ZBTB8A: variants seen among roughly 807,000 people sequenced by gnomAD.
ZBTB8A encodes zinc finger and BTB domain-containing protein 8A.
ZBTB8A carries 19 observed loss-of-function variants against 37.8 expected under a neutral mutation model. The ratio of observed to expected loss-of-function variants is 0.50; its 90% CI spans 0.35 to 0.74. The LOEUF is 0.74. Among genes scored for constraint, ZBTB8A ranks in the 30% least tolerant of loss-of-function variants. The probability of loss-of-function intolerance (pLI) is 0.01; values close to 1 mark genes in which losing one functional copy is unlikely to be tolerated. For synonymous variants in ZBTB8A, 181 were observed against 185.2 expected, an observed-to-expected ratio of 0.98 and a Z score of 0.19; for missense variants, 394 against 537.8, an observed-to-expected ratio of 0.73 and a Z score of 2.65.
intron 2 of ZBTB8A, among the ~76,000 whole-genome samples, chr1:32,590,457 C>G (rs1644480120): frequency 6.6e-6 from 1 of 152,144 alleles, no homozygotes; most frequent in South Asian, 2.1e-4. Flanking sequence ...AGGTTTCTAA[C>G]TTCCCAGCTG....
Position 32,540,643 on chromosome 1 carries a change from C to T in ZBTB8A, c.-84+1071C>T, listed in dbSNP as rs544254600. ...TTTAGAAGGGCCAGTCTTAACACAG[C>T]GCTTCCCTGCTCTAAAAACCTTAAC... On this transcript the variant is annotated intron_variant, in intron 1 of 4. Coordinates refer to ENST00000373510, the MANE Select transcript of ZBTB8A (RefSeq NM_001040441.3). 9.3e-4 allele frequency among the ~76,000 whole-genome samples: 142 copies of T among 152,238 alleles called. 3 individuals are homozygous for T. The highest frequency in any genetic ancestry group is 6.8e-3 in the Middle Eastern group (2 of 294).
At position 32,573,965 on chromosome 1, in the gene ZBTB8A, A is replaced by C. The variant is rs563033238; in HGVS notation, c.-1-18966A>C. On this transcript the variant is annotated intron_variant, in intron 2 of 4. Transcript: ENST00000373510. ...GCAGCGCGTGCCTGTAATCCCAGCT[A>C]TTCGGGAGGCTGAGGCAGGAGAATC... Among the ~76,000 whole-genome samples the C allele has an allele frequency of 4.0e-4, 60 of 151,782 alleles. 1 individual carries two copies. Among genetic ancestry groups the C allele is most frequent in the African/African-American group, 1.4e-3 (58 of 41,476 alleles).
rs998904720 is a variant in ZBTB8A, at chr1:32,604,598, C to G, written c.*4179C>G. The stretch of plus-strand genomic sequence containing the variant: ...CTTAAGACTTTTTAAAATTTAGGAA[C>G]AAATGTTTCAATATTATATTTTCAG... On this transcript the variant is annotated 3_prime_UTR_variant, in exon 5 of 5. Coordinates refer to ENST00000373510, the MANE Select transcript of ZBTB8A (RefSeq NM_001040441.3). 6.6e-6 allele frequency: 1 copy of G among 152,060 alleles called. No homozygotes were observed. Among genetic ancestry groups the G allele is most frequent in the Non-Finnish European group, 1.5e-5 (1 of 68,016 alleles). The allele number at this position is 152,060 out of a possible 1,614,324, so 9.4% of individuals were successfully genotyped here.
rs550017121 is a variant in ZBTB8A, at chr1:32,550,080, G to A, written c.-83-3379G>A. On this transcript the variant is annotated intron_variant, in intron 1 of 4. Coordinates refer to ENST00000373510, the MANE Select transcript of ZBTB8A (RefSeq NM_001040441.3). ...GAAGTTAGGAAAGGATGTTGATGCC[G>A]GTCGTGGTGGCTCATGCCTGTAATC... Among the ~76,000 whole-genome samples the A allele has an allele frequency of 3.3e-5, 5 of 152,202 alleles. 1 individual carries two copies. The South Asian group carries it at 8.3e-4, about 25-fold the overall frequency.
intron 2 of ZBTB8A, among the ~76,000 whole-genome samples, chr1:32,576,493 A>G (rs1358468223): frequency 6.6e-6 from 1 of 152,112 alleles, no homozygotes; most frequent in Non-Finnish European, 1.5e-5. Context: ...CAATGGCGCA[A>G]TCTTGGCTCA....
At chr1:32,540,954 C>A (rs773168918) in intron 1 of ZBTB8A, among the ~76,000 whole-genome samples, 4 of 152,200 alleles carry the variant, frequency 2.6e-5, no homozygotes, top group Non-Finnish European at 4.4e-5. Context: ...GGAGGCCACA[C>A]CACTAACCCT....
At chr1:32,582,597 C>T (rs142762543) in intron 2 of ZBTB8A, among the ~76,000 whole-genome samples, 2 of 151,700 alleles carry the variant, frequency 1.3e-5, no homozygotes, top group Admixed American at 6.6e-5. Context: ...GCAGTGAGAT[C>T]GTGCCATTGC....
chr1:32,545,856 T>C (rs1252602219), intron 1 of ZBTB8A, among the ~76,000 whole-genome samples: 1 of 152,234 alleles, frequency 6.6e-6, no homozygotes, highest in Non-Finnish European at 1.5e-5. Flanking sequence ...TTCTCAATAC[T>C]ACCAGGTACA....
Position 32,577,396 on chromosome 1 carries a change from C to T in ZBTB8A, c.-1-15535C>T, listed in dbSNP as rs140569142. On this transcript the variant is annotated intron_variant, in intron 2 of 4. Transcript: ENST00000373510. ...AGCTCCTGAGCTCAGGCAATCCACC[C>T]GCCTCAGCCTTCCAAAGTGCTGGGA... 3.6e-3 allele frequency among the ~76,000 whole-genome samples: 541 copies of T among 151,508 alleles called. 7 individuals are homozygous for T. The East Asian group carries it at 0.044, about 12-fold the overall frequency.
At chr1:32,557,935 C>G (rs1644215420) in intron 2 of ZBTB8A, among the ~76,000 whole-genome samples, 1 of 152,174 alleles carries the variant, frequency 6.6e-6, no homozygotes, top group African/African-American at 2.4e-5. Flanking sequence ...CTTTCCACAT[C>G]ACTTCCTCAT....
At position 32,593,471 on chromosome 1, in the gene ZBTB8A, G is replaced by C. The variant is rs200375463; in HGVS notation, c.540G>C (p.Trp180Cys). The C allele has an allele frequency of 7.3e-4, 1,175 of 1,613,920 alleles. 15 individuals are homozygous for C. In the South Asian group the frequency reaches 0.012, roughly 16 times the overall value. ...CAGGTATAATAAGTGGAAAATCTTG[G>C]AATAAGTATAATTATCATCCAGCCT... Reference protein sequence around the residue: ...QGTGIISGKSWNKYNYHPASQ... With the variant: ...QGTGIISGKSCNKYNYHPASQ... The change falls in exon 3 of 5, where the codon TGG (tryptophan) becomes TGC (cysteine). Residue 180 changes from tryptophan to cysteine, a missense_variant. Physicochemically the swap from Trp to Cys is radical, Grantham distance 215. Around this residue, in one of 4 missense-constraint regions of ZBTB8A, gnomAD observed 171 missense variants for 186.8 expected, o/e 0.92. Transcript: ENST00000373510.
chr1:32,565,396 A>G (rs191266719), intron 2 of ZBTB8A, among the ~76,000 whole-genome samples: 1 of 152,268 alleles, frequency 6.6e-6, no homozygotes, highest in African/African-American at 2.4e-5. Flanking sequence ...ATGCCTGCCC[A>G]TAATCCCTGC....
intron 2 of ZBTB8A, among the ~76,000 whole-genome samples, chr1:32,561,041 T>C (rs754514270): frequency 1.3e-5 from 2 of 152,014 alleles, no homozygotes; most frequent in African/African-American, 2.4e-5. Flanking sequence ...CTAAATCGCC[T>C]CTCTCCTTTG....
At chr1:32,562,566 C>G (rs543816621) in intron 2 of ZBTB8A, among the ~76,000 whole-genome samples, 1 of 142,748 alleles carries the variant, frequency 7.0e-6, no homozygotes, top group African/African-American at 2.6e-5. Flanking sequence ...CCACCGCGTC[C>G]GGCTTTTTTT....
chr1:32,545,453 A>C lies in ZBTB8A; in HGVS notation c.-84+5881A>C, dbSNP rs150453732. On this transcript the variant is annotated intron_variant, in intron 1 of 4. Coordinates refer to ENST00000373510, the MANE Select transcript of ZBTB8A (RefSeq NM_001040441.3). ...ACTTCCTTAGAGCCTCTAAACAGTC[A>C]ATAACCTCATTTTACAAAAAGGAAA... 3.2e-4 allele frequency among the ~76,000 whole-genome samples: 49 copies of C among 152,354 alleles called. 1 individual carries two copies. The highest frequency in any genetic ancestry group is 3.4e-3 in the Middle Eastern group (1 of 294).
intron 2 of ZBTB8A, among the ~76,000 whole-genome samples, chr1:32,558,653 C>T (rs1644221728): frequency 6.6e-6 from 1 of 152,054 alleles, no homozygotes. Flanking sequence ...AAGGTTTGGC[C>T]TGGGATGGTT....
chr1:32,547,013 C>A (rs769264493), intron 1 of ZBTB8A, among the ~76,000 whole-genome samples: 1 of 151,848 alleles, frequency 6.6e-6, no homozygotes, highest in Non-Finnish European at 1.5e-5. Context: ...GTGATCCTCC[C>A]ACCTCAGCCT....
chr1:32,570,342 C>T (rs1000806448), intron 2 of ZBTB8A, among the ~76,000 whole-genome samples: 4 of 152,134 alleles, frequency 2.6e-5, no homozygotes, highest in African/African-American at 2.4e-5. Flanking sequence ...CTTGTAATTA[C>T]GTAGGTTAAG....
At position 32,600,280 on chromosome 1, in the gene ZBTB8A, A is replaced by T; in HGVS notation, c.1187A>T (p.Asp396Val). The T allele has an allele frequency of 6.2e-7, 1 of 1,614,188 alleles. No individual in the cohort carries two copies. ...ATGTCCCCATCAGATGGAGATAAGG[A>T]TTCCAGATGGCACTTGAGTGAAGAT... is the stretch of plus-strand genomic sequence containing the variant. ...HLMSPSDGDK[D>V]SRWHLSEDEN... Residue 396 changes from aspartate to valine, a missense_variant, in exon 5 of 5, where the codon GAT becomes GTT. Physicochemically the swap from Asp to Val is radical, Grantham distance 152 (BLOSUM62 -3). This residue lies in a region of ZBTB8A where 85 missense variants were observed against 89.0 expected (regional missense o/e 0.95). Transcript: ENST00000373510.
Sources: allele counts gnomAD v4.1 joint callset (sites outside exome capture counted in the v4.1 genomes callset), GRCh38; gene constraint gnomAD v4.1.1; regional missense constraint gnomAD v4.1.1; transcripts MANE v1.5; gene names NCBI Gene and HGNC (gene_info 2026-07-23, HGNC 2026-07-21).